The following CHSY1 variants were observed in gnomAD, a reference collection of about 807,000 sequenced individuals.
The protein encoded by CHSY1 is chondroitin sulfate synthase 1, also known as N-acetylgalactosaminyl-proteoglycan 3-beta-glucuronosyltransferase 1.
In CHSY1, 13 loss-of-function variants were observed where a neutral mutation model predicts 59.8. The observed-to-expected ratio is 0.22, with a 90% CI of 0.14 to 0.35. The LOEUF (loss-of-function observed/expected upper bound fraction) is 0.35. Ranked by LOEUF, CHSY1 falls within the 10% of genes least tolerant of loss-of-function variation. The pLI, the probability that CHSY1 is intolerant of heterozygous loss-of-function variation, is 1.00. For synonymous variants in CHSY1, 459 were observed against 401.2 expected (o/e 1.14, Z -1.72); for missense variants, 947 against 1,030.6 (o/e 0.92, Z 1.11).
intron 2 of CHSY1, among the ~76,000 whole-genome samples, chr15:101,228,766 T>C (rs1165138267): frequency 6.6e-6 from 1 of 152,170 alleles, no homozygotes; most frequent in African/African-American, 2.4e-5. Context: ...CATTATACAG[T>C]AACTCAAATA....
intron 2 of CHSY1, among the ~76,000 whole-genome samples, chr15:101,194,017 T>G (rs1432191084): frequency 6.6e-6 from 1 of 152,268 alleles, no homozygotes; most frequent in Non-Finnish European, 1.5e-5. Context: ...GGCGGTCAGA[T>G]GCCCTGGCCT....
At position 101,178,242 on chromosome 15, in the gene CHSY1, G is replaced by T. The variant is rs754947736; in HGVS notation, c.1555C>A (p.Leu519Ile). ...TTGTGCTCACTCTTCGACCCAGGGA[G>T]CTGAAAGGGGACGAGCTTCTTCAGG... ...NSLKKLVPFQLPGSKSEHKEP... is the reference protein window; with the variant it reads ...NSLKKLVPFQIPGSKSEHKEP... Residue 519 changes from leucine to isoleucine, a missense_variant, in exon 3 of 3, where the codon CTC becomes ATC. Physicochemically the swap from Leu to Ile is conservative, Grantham distance 5 (BLOSUM62 2). Around this residue, in one of 4 missense-constraint regions of CHSY1, gnomAD observed 602 missense variants for 676.9 expected, o/e 0.89. Transcript: ENST00000254190. 111 of 1,614,186 alleles carry T rather than the reference G, an allele frequency of 6.9e-5. No homozygotes were observed. The East Asian group carries it at 2.5e-3, about 36-fold the overall frequency.
Position 101,195,630 on chromosome 15 carries a change from G to A in CHSY1, c.817-16650C>T, listed in dbSNP as rs540492643. ...AGGTCAGGAGATCGAAACCATACTA[G>A]CTAACACGGTGAAACCCTGTTTCTA... is the stretch of plus-strand genomic sequence containing the variant. On this transcript the variant is annotated intron_variant, in intron 2 of 2. Transcript: ENST00000254190. Among the ~76,000 whole-genome samples, 7 of 152,276 alleles carry A rather than the reference G, an allele frequency of 4.6e-5. No homozygotes were observed. In the South Asian group the frequency reaches 1.4e-3, roughly 32 times the overall value.
At position 101,251,645 on chromosome 15, in the gene CHSY1, T is replaced by C. The variant is rs900859886; in HGVS notation, c.-189A>G. The C allele has an allele frequency of 1.4e-5, 2 of 145,304 alleles. No homozygotes were observed. Among genetic ancestry groups the C allele is most frequent in the African/African-American group, 4.9e-5 (2 of 40,502 alleles). The allele number at this position is 145,304 out of a possible 1,614,324, so 9.0% of individuals were successfully genotyped here. A position where few individuals can be genotyped will look rare whatever the true frequency, so the allele number is the denominator to read the frequency against. On this transcript the variant is annotated 5_prime_UTR_variant, in exon 1 of 3. Coordinates refer to ENST00000254190, the MANE Select transcript of CHSY1 (RefSeq NM_014918.5). Reference sequence around the variant, plus strand: ...CCGCAGGCCCCGCGCCGGCGCTTTGTTCCGCACGCCCGCCCCCGCCGCCGC... The same window carrying C: ...CCGCAGGCCCCGCGCCGGCGCTTTGCTCCGCACGCCCGCCCCCGCCGCCGC...
rs570222707 is a variant in CHSY1, at chr15:101,177,825, T to C, written c.1972A>G (p.Ile658Val). 32 of 1,614,204 alleles carry C rather than the reference T, an allele frequency of 2.0e-5. No homozygotes were observed. The highest frequency in any genetic ancestry group is 1.4e-4 in the South Asian group (13 of 91,092). ...TTTGGGTCATACTGGCTGAAGATGA[T>C]TGGAAAATATATTTGTTGGCCCAGA... is the stretch of plus-strand genomic sequence containing the variant. ...TVLGQQIYFPIIFSQYDPKIV... is the reference protein window; with the variant it reads ...TVLGQQIYFPVIFSQYDPKIV... The change falls in exon 3 of 3, where the codon ATC becomes GTC. Residue 658 changes from isoleucine (I) to valine (V), a missense_variant. Ile to Val is a conservative substitution (Grantham distance 29, BLOSUM62 3). Coordinates refer to ENST00000254190, the MANE Select transcript of CHSY1 (RefSeq NM_014918.5).
chr15:101,185,545 C>T (rs1248438220), intron 2 of CHSY1, among the ~76,000 whole-genome samples: 1 of 152,052 alleles, frequency 6.6e-6, no homozygotes. Context: ...CTCCATGGAG[C>T]ACCCTCCATC....
chr15:101,185,277 G>A (rs1483461040), intron 2 of CHSY1, among the ~76,000 whole-genome samples: 1 of 152,252 alleles, frequency 6.6e-6, no homozygotes, highest in Non-Finnish European at 1.5e-5. Flanking sequence ...ATTAAAGCCA[G>A]GTTAGGAAAG....
At chr15:101,216,081 G>A (rs2038728972) in intron 2 of CHSY1, among the ~76,000 whole-genome samples, 1 of 152,104 alleles carries the variant, frequency 6.6e-6, no homozygotes, top group Non-Finnish European at 1.5e-5. Context: ...AATGGAAAGA[G>A]CAACTTGCCC....
chr15:101,213,395 A>G (rs981268986), intron 2 of CHSY1, among the ~76,000 whole-genome samples: 1 of 152,186 alleles, frequency 6.6e-6, no homozygotes, highest in Admixed American at 6.5e-5. Flanking sequence ...TAGAGGAAGG[A>G]AAAAAACAAA....
chr15:101,192,341 G>A (rs1341354807), intron 2 of CHSY1, among the ~76,000 whole-genome samples: 1 of 152,188 alleles, frequency 6.6e-6, no homozygotes. Context: ...GAAGAGACGT[G>A]TCATGCCCAA....
At chr15:101,197,189 C>T (rs1479240519) in intron 2 of CHSY1, among the ~76,000 whole-genome samples, 1 of 152,184 alleles carries the variant, frequency 6.6e-6, no homozygotes, top group Non-Finnish European at 1.5e-5. Flanking sequence ...GAGTTCAAGG[C>T]CAGCCCCAAC....
intron 2 of CHSY1, among the ~76,000 whole-genome samples, chr15:101,179,417 G>A (rs2038244521): frequency 6.6e-6 from 1 of 152,206 alleles, no homozygotes. Flanking sequence ...CCTCCTGAGA[G>A]CCAGAAGAAC....
chr15:101,187,901 GC>G, intron 2 of CHSY1: 1 of 338,492 alleles, frequency 3.0e-6, no homozygotes, highest in Non-Finnish European at 4.2e-6. Flanking sequence ...TCTGAGAGGG[GC>G]TAATACCAAG....
chr15:101,251,479 GGCC>G lies in CHSY1; in HGVS notation c.-26_-24del, dbSNP rs71154314. The G allele has an allele frequency of 2.8e-6, 2 of 703,414 alleles. No homozygotes were observed. The highest frequency in any genetic ancestry group is 3.5e-6 in the Non-Finnish European group (2 of 577,170). 43.6% of individuals were successfully genotyped at this position (703,414 alleles called of 1,614,324 possible). On this transcript the variant is annotated 5_prime_UTR_variant, in exon 1 of 3. Coordinates refer to ENST00000254190, the MANE Select transcript of CHSY1 (RefSeq NM_014918.5). ...CATGCCCGCGCCGCTCCGCCCGCCG[GGCC>G]GCCGCCGCAGGCTCCGCGCGCCCTC...
intron 2 of CHSY1, among the ~76,000 whole-genome samples, chr15:101,229,123 C>T (rs893208247): frequency 6.6e-6 from 1 of 152,030 alleles, no homozygotes; most frequent in African/African-American, 2.4e-5. Context: ...CAATGGTACA[C>T]TAGGTAATAA....
chr15:101,181,739 C>T (rs2038281543), intron 2 of CHSY1, among the ~76,000 whole-genome samples: 1 of 152,150 alleles, frequency 6.6e-6, no homozygotes, highest in South Asian at 2.1e-4. Flanking sequence ...GTGGAACTGA[C>T]ATGATTTTCT....
chr15:101,185,712 T>A (rs1262032558), intron 2 of CHSY1, among the ~76,000 whole-genome samples: 1 of 151,628 alleles, frequency 6.6e-6, no homozygotes, highest in Non-Finnish European at 1.5e-5. Context: ...TTTTTTTTTT[T>A]TTTTTTTTTA....
chr15:101,221,565 C>T (rs1224970608), intron 2 of CHSY1, among the ~76,000 whole-genome samples: 1 of 151,934 alleles, frequency 6.6e-6, no homozygotes, highest in Non-Finnish European at 1.5e-5. Flanking sequence ...CTCACTTTAC[C>T]CTAATAAAGT....
At chr15:101,249,499 CGATA>C (rs1398184468) in intron 1 of CHSY1, among the ~76,000 whole-genome samples, 1 of 144,400 alleles carries the variant, frequency 6.9e-6, no homozygotes, top group Middle Eastern at 3.3e-3. Context: ...ATCTATCGAT[CGATA>C]GATAGAATTT....
Sources: allele counts gnomAD v4.1 joint callset (sites outside exome capture counted in the v4.1 genomes callset), GRCh38; gene constraint gnomAD v4.1.1; regional missense constraint gnomAD v4.1.1; transcripts MANE v1.5; gene names NCBI Gene and HGNC (gene_info 2026-07-23, HGNC 2026-07-21).